Variants in PGM2 observed in about 807,000 individuals in gnomAD.
PGM2 encodes the protein phosphopentomutase.
A neutral mutation model predicts 74.6 loss-of-function variants in PGM2; 57 were observed. The ratio of observed to expected loss-of-function variants is 0.76; its 90% CI spans 0.62 to 0.95. The LOEUF (loss-of-function observed/expected upper bound fraction) is 0.95, where lower values mean the gene tolerates loss of function less well. PGM2 is among the 40% of genes least tolerant of loss of function. The pLI, the probability that PGM2 is intolerant of heterozygous loss-of-function variation, is 0.00. For missense variants in PGM2, 706 were observed against 741.9 expected, an observed-to-expected ratio of 0.95 and a Z score of 0.56; for synonymous variants, 273 against 260.7, an observed-to-expected ratio of 1.05 and a Z score of -0.46.
chr4:37,858,786 G>C (rs559811614), intron 13 of PGM2, among the ~76,000 whole-genome samples: 18 of 152,078 alleles, frequency 1.2e-4, no homozygotes, highest in Non-Finnish European at 2.4e-4. Context: ...TCCTTTTCAA[G>C]TATGTGCTGC....
intron 12 of PGM2, among the ~76,000 whole-genome samples, chr4:37,850,873 C>T (rs1173309449): frequency 6.6e-6 from 1 of 151,664 alleles, no homozygotes; most frequent in Non-Finnish European, 1.5e-5. Context: ...TACCTATAAT[C>T]CCAGCTACTC....
rs1477333404 is a variant in PGM2 at position 37,841,105 on chromosome 4, T to C, written c.719+846T>C. ...ATATATATATATATATATATATGTG[T>C]GTGTGTGTGTTTGTATATGTATAAT... is the stretch of plus-strand genomic sequence containing the variant. On this transcript the variant is annotated intron_variant, in intron 6 of 13. Transcript: ENST00000381967. Among the ~76,000 whole-genome samples the C allele has an allele frequency of 4.1e-5, 6 of 147,110 alleles. No homozygotes were observed. In the Admixed American group the frequency reaches 4.2e-4, roughly 10 times the overall value.
In PGM2 at chr4:37,862,787, C is replaced by T. The variant is rs1236834740; in HGVS notation, c.*1175C>T. ...ATTGTAACTATTTTTCTATTTTAGT[C>T]ATATGTCGCTTATATCCTACCAGAA... On this transcript the variant is annotated 3_prime_UTR_variant, in exon 14 of 14. Coordinates refer to ENST00000381967, the MANE Select transcript of PGM2 (RefSeq NM_018290.4). 9 of 151,990 alleles carry T rather than the reference C, an allele frequency of 5.9e-5. No individual in the cohort carries two copies. Among genetic ancestry groups the T allele is most frequent in the Non-Finnish European group, 1.5e-5 (1 of 68,006 alleles). The allele number at this position is 151,990 out of a possible 1,614,324, so 9.4% of individuals were successfully genotyped here. A position where few individuals can be genotyped will look rare whatever the true frequency, so the allele number is the denominator to read the frequency against.
rs865847279 is a variant in PGM2, at chr4:37,860,373, G to A, written c.1737-1137G>A. 2.4e-4 allele frequency among the ~76,000 whole-genome samples: 36 copies of A among 152,304 alleles called. No individual in the cohort carries two copies. The South Asian group carries it at 3.3e-3, about 14-fold the overall frequency. On this transcript the variant is annotated intron_variant, in intron 13 of 13. Transcript: ENST00000381967. ...ACATTTATTGAGGTCTTTGGGCCAG[G>A]TTCAGTGCTAATTGCTTTATATAAT...
Position 37,852,133 on chromosome 4 carries a change from CTTTTTTTT to C in PGM2, c.1602+1779_1602+1786del, listed in dbSNP as rs778968323. On this transcript the variant is annotated intron_variant, in intron 12 of 13. Transcript: ENST00000381967. The stretch of plus-strand genomic sequence containing the variant: ...CAAGGGTATGCCATCATGCCCAGCT[CTTTTTTTT>C]TTTTTTTTTTTTTTTTTTGGAGGGA... Among the ~76,000 whole-genome samples the C allele has an allele frequency of 2.2e-3, 105 of 47,274 alleles. 1 individual carries two copies. The East Asian group carries it at 0.051, about 23-fold the overall frequency. The allele number at this position is 47,274 out of a possible 152,430, so 31.0% of individuals were successfully genotyped here.
rs1725668397 is a variant in PGM2, at chr4:37,840,118, C to T, written c.578C>T (p.Ser193Phe). 6.2e-7 allele frequency: 1 copy of T among 1,613,976 alleles called. No homozygotes were observed. The highest frequency in any genetic ancestry group is 1.7e-5 in the Admixed American group (1 of 60,014). The change falls in exon 6 of 14, where the codon TCT (serine) becomes TTT (phenylalanine). Residue 193 changes from serine to phenylalanine, a missense_variant. Physicochemically the swap from Ser to Phe is radical, Grantham distance 155. Coordinates refer to ENST00000381967, the MANE Select transcript of PGM2 (RefSeq NM_018290.4). Reference sequence around the variant, plus strand: ...ATTTCTCCTCACGATAAAGGGATTTCTCAAGCTATTGAAGAAAATCTAGAA... The same window carrying T: ...ATTTCTCCTCACGATAAAGGGATTTTTCAAGCTATTGAAGAAAATCTAGAA... ...QIISPHDKGI[S>F]QAIEENLEPW...
At chr4:37,842,936 T>TAG (rs1725770458) in intron 6 of PGM2, among the ~76,000 whole-genome samples, 1 of 152,184 alleles carries the variant, frequency 6.6e-6, no homozygotes, top group Admixed American at 6.5e-5. Context: ...GTGCTAGGAT[T>TAG]AGAGGAGTGA....
intron 6 of PGM2, among the ~76,000 whole-genome samples, chr4:37,840,752 A>T (rs1577676012): frequency 6.6e-6 from 1 of 152,102 alleles, no homozygotes; most frequent in Admixed American, 6.6e-5. Flanking sequence ...ACAGATAGTA[A>T]ATATTTTTGG....
At chr4:37,844,682 G>A (rs114391170) in intron 7 of PGM2, 129 bp downstream of exon 7, 32,358 of 637,886 alleles carry the variant, frequency 0.051, 1,931 homozygotes, top group African/African-American at 0.18. Flanking sequence ...AAATATGTAT[G>A]TTTGGCTGGG....
chr4:37,845,672 A>T lies in PGM2; in HGVS notation c.949A>T (p.Ile317Phe), dbSNP rs747079482. Residue 317 changes from isoleucine (I) to phenylalanine (F), a missense_variant, in exon 8 of 14, where the codon ATT (isoleucine) becomes TTT (phenylalanine). Ile to Phe is a conservative substitution (Grantham distance 21). Coordinates refer to ENST00000381967, the MANE Select transcript of PGM2 (RefSeq NM_018290.4). ...FALADKTKAR[I>F]VLANDPDADR... ...TTTGGCTGACAAAACCAAGGCCAGA[A>T]TTGTTTTAGCTAACGACCCGGATGC... 19 of 1,613,716 alleles carry T rather than the reference A, an allele frequency of 1.2e-5. No individual in the cohort carries two copies. The highest frequency in any genetic ancestry group is 1.5e-5 in the Non-Finnish European group (18 of 1,179,724).
At chr4:37,850,981 A>G (rs1726023804) in intron 12 of PGM2, among the ~76,000 whole-genome samples, 1 of 92,976 alleles carries the variant, frequency 1.1e-5, no homozygotes, top group Non-Finnish European at 2.0e-5. Context: ...ACAGAGCAAG[A>G]CTTCATCTCA....
In PGM2 at chr4:37,845,682, C is replaced by A; in HGVS notation, c.959C>A (p.Ala320Asp). The change falls in exon 8 of 14, where the codon GCT (alanine) becomes GAT (aspartate). Residue 320 changes from alanine to aspartate, a missense_variant. Physicochemically the swap from Ala to Asp is moderately radical, Grantham distance 126. This residue lies in a region of PGM2 where 359 missense variants were observed against 371.1 expected (regional missense o/e 0.97). Coordinates refer to ENST00000381967, the MANE Select transcript of PGM2 (RefSeq NM_018290.4). The part of the protein sequence containing the change: ...ADKTKARIVL[A>D]NDPDADRLAV... ...AAAACCAAGGCCAGAATTGTTTTAG[C>A]TAACGACCCGGATGCTGATAGACTT... is the stretch of plus-strand genomic sequence containing the variant. The A allele has an allele frequency of 6.2e-7, 1 of 1,613,688 alleles. No homozygotes were observed. Among genetic ancestry groups the A allele is most frequent in the Non-Finnish European group, 8.5e-7 (1 of 1,179,612 alleles).
chr4:37,861,289 G>A (rs1426482807), intron 13 of PGM2, among the ~76,000 whole-genome samples: 1 of 152,106 alleles, frequency 6.6e-6, no homozygotes, highest in Non-Finnish European at 1.5e-5. Context: ...TTCAGACATT[G>A]GAAAAATCTT....
chr4:37,837,459 C>T (rs965887696), intron 3 of PGM2, 70 bp from the exon 4 acceptor site: 2 of 886,792 alleles, frequency 2.3e-6, no homozygotes, highest in African/African-American at 3.3e-5. Flanking sequence ...GCATTCATTT[C>T]CTTCTTTCCA....
Position 37,844,422 on chromosome 4 carries a change from C to G in PGM2, c.778C>G (p.His260Asp). Reference sequence around the variant, plus strand: ...GCACACCTCTGTCCATGGGGTGGGTCATAGCTTTGTGCAGTCAGCTTTCAA... The same window carrying G: ...GCACACCTCTGTCCATGGGGTGGGTGATAGCTTTGTGCAGTCAGCTTTCAA... ...FVHTSVHGVG[H>D]SFVQSAFKAF... The change falls in exon 7 of 14, where the codon CAT (histidine) becomes GAT (aspartate). Residue 260 changes from histidine (H) to aspartate (D), a missense_variant. This residue lies in a region of PGM2 where 332 missense variants were observed against 334.9 expected (regional missense o/e 0.99). Transcript: ENST00000381967. 1 of 1,613,746 alleles carries G rather than the reference C, an allele frequency of 6.2e-7. No individual in the cohort carries two copies. The highest frequency in any genetic ancestry group is 8.5e-7 in the Non-Finnish European group (1 of 1,179,690).
chr4:37,858,529 T>TA (rs1711635740), intron 13 of PGM2, among the ~76,000 whole-genome samples: 1 of 150,594 alleles, frequency 6.6e-6, no homozygotes, highest in African/African-American at 2.4e-5. Flanking sequence ...TTTTTTTTTT[T>TA]AGTAGAGACA....
chr4:37,855,546 G>A (rs2152181624), intron 12 of PGM2, 62 bp from the exon 13 acceptor site: 1 of 1,410,970 alleles, frequency 7.1e-7, no homozygotes, highest in South Asian at 1.3e-5. Flanking sequence ...TTATGCAAGA[G>A]AAGATATTGG....
At position 37,840,049 on chromosome 4, in the gene PGM2, G is replaced by A; in HGVS notation, c.526-17G>A. ...CATTAACTGTAAACCTTCTGAATGT[G>A]TTCCTGGGTCCTCTAGGTCTATTGG... is the stretch of plus-strand genomic sequence containing the variant. On this transcript the variant is annotated splice_polypyrimidine_tract_variant and intron_variant, in intron 5 of 13. Coordinates refer to ENST00000381967, the MANE Select transcript of PGM2 (RefSeq NM_018290.4). 6.2e-7 allele frequency: 1 copy of A among 1,605,168 alleles called. No individual in the cohort carries two copies. The highest frequency in any genetic ancestry group is 8.5e-7 in the Non-Finnish European group (1 of 1,172,792).
At chr4:37,852,825 C>T (rs1422523925) in intron 12 of PGM2, among the ~76,000 whole-genome samples, 1 of 152,146 alleles carries the variant, frequency 6.6e-6, no homozygotes. Flanking sequence ...TAAAATTTCA[C>T]AGTGATATGC....
Sources: allele counts gnomAD v4.1 joint callset (sites outside exome capture counted in the v4.1 genomes callset), GRCh38; gene constraint gnomAD v4.1.1; regional missense constraint gnomAD v4.1.1; transcripts MANE v1.5; gene names NCBI Gene and HGNC (gene_info 2026-07-23, HGNC 2026-07-21).